REDIC1: variants seen among roughly 807,000 people sequenced by gnomAD.
The protein encoded by REDIC1 is HEI10 Interacting Protein 1.
the REDIC1 span, among the ~76,000 whole-genome samples, chr12:39,656,505 A>C: frequency 6.6e-6 from 1 of 152,324 alleles, no homozygotes; most frequent in South Asian, 2.1e-4. Flanking sequence ...AATGATAATA[A>C]ATGACTTGTT....
the REDIC1 span, among the ~76,000 whole-genome samples, chr12:39,882,887 A>G: frequency 6.6e-6 from 1 of 152,222 alleles, no homozygotes; most frequent in Non-Finnish European, 1.5e-5. Context: ...TTAGATATAC[A>G]TCATATTTCT....
At chr12:39,669,050 A>C in the REDIC1 span, among the ~76,000 whole-genome samples, 1 of 151,828 alleles carries the variant, frequency 6.6e-6, no homozygotes, top group African/African-American at 2.4e-5. Flanking sequence ...TCTTCTCTCA[A>C]CTCATCAAAG....
the REDIC1 span, chr12:39,830,143 G>C: frequency 6.2e-7 from 1 of 1,613,660 alleles, no homozygotes; most frequent in Non-Finnish European, 8.5e-7. Flanking sequence ...TTATTAACTG[G>C]AACACAGGAG....
the REDIC1 span, among the ~76,000 whole-genome samples, chr12:39,640,572 T>C: frequency 2.6e-5 from 4 of 151,960 alleles, no homozygotes; most frequent in Non-Finnish European, 5.9e-5. Flanking sequence ...TCTCTGTAGA[T>C]TTCAGTAGAA....
chr12:39,763,435 T>C, the REDIC1 span, among the ~76,000 whole-genome samples: 1 of 152,240 alleles, frequency 6.6e-6, no homozygotes, highest in East Asian at 1.9e-4. Flanking sequence ...CATGTATTTA[T>C]TCATTTGACA....
the REDIC1 span, among the ~76,000 whole-genome samples, chr12:39,821,885 T>C: frequency 0.013 from 1,940 of 152,258 alleles, 41 homozygotes; most frequent in African/African-American, 0.043. Flanking sequence ...GAATAGAAGA[T>C]AGTTGAATAA....
At chr12:39,864,403 T>G in the REDIC1 span, among the ~76,000 whole-genome samples, 1 of 152,252 alleles carries the variant, frequency 6.6e-6, no homozygotes, top group Non-Finnish European at 1.5e-5. Context: ...TGATTACTGA[T>G]TAAAGTTATT....
the REDIC1 span, among the ~76,000 whole-genome samples, chr12:39,642,001 C>T: frequency 2.0e-5 from 3 of 151,718 alleles, no homozygotes; most frequent in Non-Finnish European, 4.4e-5. Context: ...TCTTTCTGAT[C>T]TTTCTTTGGT....
the REDIC1 span, among the ~76,000 whole-genome samples, chr12:39,696,404 G>A: frequency 8.1e-4 from 121 of 149,828 alleles, no homozygotes; most frequent in African/African-American, 2.7e-3. Flanking sequence ...TTAGCCGGGC[G>A]TAGTGGCGGG....
the REDIC1 span, among the ~76,000 whole-genome samples, chr12:39,631,442 G>C: frequency 2.0e-5 from 3 of 151,928 alleles, no homozygotes; most frequent in Admixed American, 6.6e-5. Context: ...TTGATGGAGT[G>C]CCTACTTTTA....
At chr12:39,823,169 C>T in the REDIC1 span, among the ~76,000 whole-genome samples, 5 of 152,146 alleles carry the variant, frequency 3.3e-5, no homozygotes, top group African/African-American at 1.2e-4. Context: ...TAAGCAGTAA[C>T]ATAAAAAAGT....
the REDIC1 span, among the ~76,000 whole-genome samples, chr12:39,722,178 A>C: frequency 6.6e-6 from 1 of 152,068 alleles, no homozygotes; most frequent in Non-Finnish European, 1.5e-5. Context: ...ACACAGATGT[A>C]TCACTCAAGA....
At chr12:39,653,492 G>GTCTTCTTCTTCTTCTTCTTCTTCTTCT in the REDIC1 span, among the ~76,000 whole-genome samples, 38 of 54,344 alleles carry the variant, frequency 7.0e-4, 2 homozygotes, top group Admixed American at 9.9e-4. Context: ...CAATCTGGAT[G>GTCTTCTTCTTCTTCTTCTTCTTCTTCT]TCTTCTTCTT....
the REDIC1 span, among the ~76,000 whole-genome samples, chr12:39,680,765 T>TAC: frequency 3.6e-5 from 3 of 83,898 alleles, no homozygotes; most frequent in Non-Finnish European, 5.5e-5. Context: ...AGAAAATACA[T>TAC]ACGCACACAC....
chr12:39,734,974 G>GT, the REDIC1 span, among the ~76,000 whole-genome samples: 1 of 152,310 alleles, frequency 6.6e-6, no homozygotes, highest in African/African-American at 2.4e-5. Flanking sequence ...TGAATATGCT[G>GT]TATCTCTTTA....
At chr12:39,686,286 G>T in the REDIC1 span, among the ~76,000 whole-genome samples, 120,644 of 152,178 alleles carry the variant, frequency 0.79, 48,553 homozygotes, top group Non-Finnish European at 0.87. Context: ...GTAACAGACT[G>T]CTGCCTGAAC....
the REDIC1 span, among the ~76,000 whole-genome samples, chr12:39,792,384 T>C: frequency 1.3e-5 from 2 of 151,804 alleles, no homozygotes; most frequent in Non-Finnish European, 2.9e-5. Flanking sequence ...TGGGATCTAA[T>C]TAAACTAAAG....
chr12:39,703,533 C>T, the REDIC1 span, among the ~76,000 whole-genome samples: 3 of 151,344 alleles, frequency 2.0e-5, no homozygotes, highest in Admixed American at 1.3e-4. Flanking sequence ...AGATTCAATG[C>T]CATCCCCATC....
the REDIC1 span, among the ~76,000 whole-genome samples, chr12:39,882,983 T>G: frequency 9.2e-5 from 14 of 152,286 alleles, no homozygotes; most frequent in Middle Eastern, 6.8e-3. Flanking sequence ...TTATGAATAT[T>G]TTTTAGGCGC....
Sources: allele counts gnomAD v4.1 joint callset (sites outside exome capture counted in the v4.1 genomes callset), GRCh38; gene constraint gnomAD v4.1.1; transcripts MANE v1.5; gene names NCBI Gene and HGNC (gene_info 2026-07-23, HGNC 2026-07-21).